The following ENPP2 variants were observed in gnomAD, a reference collection of about 807,000 sequenced individuals.
The protein encoded by ENPP2 is ectonucleotide pyrophosphatase/phosphodiesterase 2.
Under a neutral mutation model 120.2 loss-of-function variants are expected in ENPP2, and 51 were observed. The observed-to-expected ratio is 0.42, with a 90% CI of 0.34 to 0.54. ENPP2 has a LOEUF of 0.54. Ranked by LOEUF, ENPP2 falls within the 20% of genes least tolerant of loss-of-function variation. ENPP2 has a pLI of 0.04. For missense variants in ENPP2, 920 were observed against 1,066.5 expected (o/e 0.86, Z 1.91); for synonymous variants, 365 against 366.4 (o/e 1.00, Z 0.04).
At chr8:119,590,055 C>A (rs1005607964) in intron 13 of ENPP2, among the ~76,000 whole-genome samples, 1 of 152,148 alleles carries the variant, frequency 6.6e-6, no homozygotes, top group Non-Finnish European at 1.5e-5. Flanking sequence ...CCACAAGGCT[C>A]CTAGGAACCC....
chr8:119,568,906 C>T (rs189589923), intron 21 of ENPP2, among the ~76,000 whole-genome samples: 1 of 152,274 alleles, frequency 6.6e-6, no homozygotes, highest in East Asian at 1.9e-4. Context: ...CATGCCTGGC[C>T]TCAAGCAATC....
At chr8:119,600,539 G>T in intron 11 of ENPP2, 139 bp downstream of exon 11, 4 of 542,860 alleles carry the variant, frequency 7.4e-6, no homozygotes, top group East Asian at 3.1e-5. Flanking sequence ...AAAATTTTTA[G>T]TCTTGTAGTT....
intron 16 of ENPP2, 53 bp from the exon 17 acceptor site, chr8:119,583,857 C>G: frequency 7.2e-7 from 1 of 1,398,580 alleles, no homozygotes; most frequent in Non-Finnish European, 1.0e-6. Context: ...GGTAGGAACC[C>G]TTCCTCTATT....
intron 22 of ENPP2, among the ~76,000 whole-genome samples, chr8:119,565,665 A>G (rs1814355386): frequency 1.3e-5 from 2 of 152,008 alleles, no homozygotes. Flanking sequence ...CATCCCAATT[A>G]TCCCAAATTT....
rs568411126 is a variant in ENPP2 at position 119,671,508 on chromosome 8, T to C, written c.21+1744A>G. On this transcript the variant is annotated intron_variant, in intron 1 of 25. Transcript: ENST00000427067. ...CTCAGCAATGAGATCAGACAGGGTT[T>C]GGTGATGATTGTCATGAATGAAAGG... 2.0e-5 allele frequency among the ~76,000 whole-genome samples: 3 copies of C among 152,238 alleles called. No homozygotes were observed. In the South Asian group the frequency reaches 6.2e-4, roughly 32 times the overall value.
intron 1 of ENPP2, among the ~76,000 whole-genome samples, chr8:119,663,074 G>A (rs756844492): frequency 3.4e-5 from 5 of 148,130 alleles, no homozygotes; most frequent in South Asian, 2.1e-4. Context: ...CCAAAATCAC[G>A]CCGCTGCACT....
intron 8 of ENPP2, among the ~76,000 whole-genome samples, chr8:119,614,303 G>C (rs1815315120): frequency 6.6e-6 from 1 of 151,968 alleles, no homozygotes; most frequent in Admixed American, 6.6e-5. Flanking sequence ...CTGACCTCAT[G>C]ATCCACCCAC....
intron 1 of ENPP2, among the ~76,000 whole-genome samples, chr8:119,646,575 C>G (rs985804182): frequency 3.3e-5 from 5 of 152,158 alleles, no homozygotes; most frequent in Admixed American, 1.3e-4. Flanking sequence ...AATCCCAGCT[C>G]GACCACAGTT....
At chr8:119,582,655 A>C in intron 17 of ENPP2, 53 bp from the exon 18 acceptor site, 1 of 1,284,104 alleles carries the variant, frequency 7.8e-7, no homozygotes, top group Non-Finnish European at 1.1e-6. Flanking sequence ...TTTTGATGAG[A>C]TATGGTAAGA....
intron 8 of ENPP2, among the ~76,000 whole-genome samples, chr8:119,612,456 T>C (rs1310334885): frequency 6.6e-6 from 1 of 152,230 alleles, no homozygotes; most frequent in Non-Finnish European, 1.5e-5. Flanking sequence ...ATTCTTCTTC[T>C]CCTGCTGTCT....
At chr8:119,628,892 T>C (rs1431115073) in intron 2 of ENPP2, among the ~76,000 whole-genome samples, 1 of 152,160 alleles carries the variant, frequency 6.6e-6, no homozygotes, top group East Asian at 1.9e-4. Context: ...GAATTACATT[T>C]AGGGAAAATG....
At chr8:119,624,404 A>G (rs1287261557) in intron 3 of ENPP2, among the ~76,000 whole-genome samples, 1 of 152,144 alleles carries the variant, frequency 6.6e-6, no homozygotes, top group Admixed American at 6.5e-5. Flanking sequence ...GCTGAAAAGG[A>G]AGTGATGAAA....
upstream of ENPP2, among the ~76,000 whole-genome samples, chr8:119,639,042 G>A (rs923758553): frequency 2.0e-5 from 3 of 152,108 alleles, no homozygotes; most frequent in Non-Finnish European, 4.4e-5. Flanking sequence ...CTTTCATGTG[G>A]TATCCTCTGG....
intron 18 of ENPP2, among the ~76,000 whole-genome samples, chr8:119,581,312 G>A (rs1018160472): frequency 3.9e-5 from 6 of 151,920 alleles, no homozygotes; most frequent in Non-Finnish European, 2.9e-5. Flanking sequence ...AGTGTGTGGG[G>A]GTAGTCTCTG....
intron 14 of ENPP2, among the ~76,000 whole-genome samples, chr8:119,586,662 T>C (rs962078642): frequency 6.6e-6 from 1 of 151,748 alleles, no homozygotes; most frequent in Admixed American, 6.6e-5. Flanking sequence ...GAGGAGCACA[T>C]GGGTTTAGGC....
intron 1 of ENPP2, among the ~76,000 whole-genome samples, chr8:119,666,921 T>C (rs1048768852): frequency 4.6e-5 from 7 of 152,258 alleles, no homozygotes; most frequent in Admixed American, 2.6e-4. Context: ...AACCAACTTG[T>C]AGTAAAATGC....
At chr8:119,605,430 A>ATGTGTGTGTGTGTGTGTGTG (rs573767269) in intron 9 of ENPP2, among the ~76,000 whole-genome samples, 21 of 133,814 alleles carry the variant, frequency 1.6e-4, no homozygotes, top group African/African-American at 6.1e-4. Flanking sequence ...GATACCATAT[A>ATGTGTGTGTGTGTGTGTGTG]TGTGTGTGTG....
At position 119,572,326 on chromosome 8, in the gene ENPP2, C is replaced by T. The variant is rs1815068658; in HGVS notation, c.1781-1485G>A. On this transcript the variant is annotated intron_variant, in intron 19 of 24. Transcript: ENST00000075322. ...TTTAAGTTTTCATGGTTACCACACA[C>T]AGTCCTCCAAACTCAAATTCAAGCT... The T allele has an allele frequency of 2.2e-5, 23 of 1,067,860 alleles. No individual in the cohort carries two copies. The South Asian group carries it at 3.0e-4, about 14-fold the overall frequency. The allele number at this position is 1,067,860 out of a possible 1,614,324, so 66.1% of individuals were successfully genotyped here. A position where few individuals can be genotyped will look rare whatever the true frequency, so the allele number is the denominator to read the frequency against.
intron 1 of ENPP2, among the ~76,000 whole-genome samples, chr8:119,656,913 G>A (rs180806837): frequency 4.5e-4 from 69 of 152,052 alleles, no homozygotes; most frequent in African/African-American, 1.3e-3. Flanking sequence ...ATATAATATC[G>A]TTTTTTATTT....
Sources: allele counts gnomAD v4.1 joint callset (sites outside exome capture counted in the v4.1 genomes callset), GRCh38; gene constraint gnomAD v4.1.1; transcripts MANE v1.5; gene names NCBI Gene and HGNC (gene_info 2026-07-23, HGNC 2026-07-21).